Variants in LSP1 observed in about 807,000 individuals in gnomAD.
The protein encoded by LSP1 is lymphocyte-specific protein 1.
In LSP1, 32 loss-of-function variants were observed where a neutral mutation model predicts 49.3. The ratio of observed to expected loss-of-function variants is 0.65; its 90% CI spans 0.49 to 0.87. LSP1 has a LOEUF of 0.87. Ranked by LOEUF, LSP1 falls within the 40% of genes least tolerant of loss-of-function variation. The pLI is 0.00. For missense variants in LSP1, 428 were observed against 442.6 expected (o/e 0.97, Z 0.30); for synonymous variants, 179 against 178.8 (o/e 1.00, Z -0.01).
In LSP1 at chr11:1,853,216, G is replaced by T. The variant is rs57230743; in HGVS notation, c.53+19G>T. The T allele has an allele frequency of 4.4e-6, 7 of 1,604,422 alleles. No individual in the cohort carries two copies. Among genetic ancestry groups the T allele is most frequent in the South Asian group, 1.1e-5 (1 of 89,882 alleles). ...TGCTGGGGTAAGGGTCTGCGGCGAC[G>T]CCCGGCGCCCTGTGCCGTGTCCACG... On this transcript the variant is annotated intron_variant, in intron 1 of 10. Coordinates refer to ENST00000311604, the MANE Select transcript of LSP1 (RefSeq NM_002339.3).
At chr11:1,853,414 C>T (rs372129963) in intron 1 of LSP1, among the ~76,000 whole-genome samples, 152 of 152,280 alleles carry the variant, frequency 1.0e-3, no homozygotes, top group African/African-American at 3.3e-3. Flanking sequence ...AGGTCTCTTC[C>T]GCCTGCCTCT....
At chr11:1,853,236 T>A (rs373255983) in intron 1 of LSP1, 39 bp downstream of exon 1, 36 of 1,594,396 alleles carry the variant, frequency 2.3e-5, no homozygotes, top group Non-Finnish European at 3.0e-5. Flanking sequence ...CTGTGCCGTG[T>A]CCACGGGTGC....
At chr11:1,856,847 C>G (rs1589803784) in intron 1 of LSP1, among the ~76,000 whole-genome samples, 1 of 152,232 alleles carries the variant, frequency 6.6e-6, no homozygotes, top group Non-Finnish European at 1.5e-5. Context: ...GGGCAGGTGG[C>G]CCTGAGAGCC....
intron 1 of LSP1, among the ~76,000 whole-genome samples, 159 bp downstream of exon 1, chr11:1,853,356 C>T (rs1411079476): frequency 6.6e-6 from 1 of 152,220 alleles, no homozygotes; most frequent in Non-Finnish European, 1.5e-5. Flanking sequence ...GACCCACAGA[C>T]AGGTGGCAGG....
intron 1 of LSP1, among the ~76,000 whole-genome samples, chr11:1,857,250 C>T (rs1847512533): frequency 6.6e-6 from 1 of 152,220 alleles, no homozygotes; most frequent in African/African-American, 2.4e-5. Flanking sequence ...CGCCCCCTTC[C>T]TGGTTCCCTC....
At chr11:1,878,051 C>A (rs1253775038) in intron 1 of LSP1, among the ~76,000 whole-genome samples, 1 of 152,078 alleles carries the variant, frequency 6.6e-6, no homozygotes, top group African/African-American at 2.4e-5. Flanking sequence ...GGGCCCTGGA[C>A]CCATCGGAAG....
chr11:1,872,254 G>A (rs1317329352), intron 1 of LSP1, among the ~76,000 whole-genome samples: 8 of 137,172 alleles, frequency 5.8e-5, no homozygotes, highest in Non-Finnish European at 9.4e-5. Flanking sequence ...CCTGGCACAC[G>A]CTGGTAGAGT....
chr11:1,891,009 G>T (rs1024077870), intron 10 of LSP1: 23 of 167,218 alleles, frequency 1.4e-4, no homozygotes, highest in African/African-American at 5.2e-4. Flanking sequence ...GCCAAGCCCA[G>T]GGCTGGAAGA....
intron 1 of LSP1, among the ~76,000 whole-genome samples, chr11:1,869,982 G>A (rs879767803): frequency 3.9e-5 from 6 of 152,160 alleles, no homozygotes; most frequent in Non-Finnish European, 7.4e-5. Context: ...CACGTCATCA[G>A]CTCCCTGGGA....
intron 1 of LSP1, chr11:1,869,059 G>C (rs1847887268): frequency 1.0e-6 from 1 of 968,838 alleles, no homozygotes; most frequent in Admixed American, 6.0e-5. Flanking sequence ...GAGCTTGTGG[G>C]AGAGAAGCCC....
In LSP1 at chr11:1,887,557, T is replaced by C. The variant is rs754289381; in HGVS notation, c.1014T>C (p.Ala338=). The change falls in exon 10 of 11, where the codon GCT becomes GCC. Residue 338 remains alanine, a synonymous_variant. Transcript: ENST00000311604. ...AGGTGCTTGTGGAAGGGGGCCCGGC[T>C]CCCTAGGCGTCCCATCTCGGTGAGT... is the stretch of plus-strand genomic sequence containing the variant. ...YEKVLVEGGP[A]P 2 of 1,613,218 alleles carry C rather than the reference T, an allele frequency of 1.2e-6. No individual in the cohort carries two copies. Among genetic ancestry groups the C allele is most frequent in the Middle Eastern group, 1.7e-4 (1 of 6,060 alleles).
chr11:1,867,048 G>C (rs888663180), intron 1 of LSP1: 1 of 899,286 alleles, frequency 1.1e-6, no homozygotes, highest in Non-Finnish European at 1.6e-6. Context: ...TGGGGAGGAG[G>C]CACTGAAGCC....
rs759260935 is a variant in LSP1, at chr11:1,884,576, A to ATCGAGG, written c.714_717+2dup. Reference sequence around the variant, plus strand: ...GTGGCTGGAACAATACACCCAGGCCATCGAGGTATGACCTGGCTCCCCTCT... The same window carrying ATCGAGG: ...GTGGCTGGAACAATACACCCAGGCCATCGAGGTCGAGGTATGACCTGGCTCCCCTCT... On this transcript the variant is annotated inframe_insertion, in exon 7 of 11. Transcript: ENST00000311604. The surrounding 1 kb of genome is among the most constrained non-coding windows in gnomAD (Gnocchi z 4.1). The ATCGAGG allele has an allele frequency of 2.5e-5, 41 of 1,613,828 alleles. No individual in the cohort carries two copies. The highest frequency in any genetic ancestry group is 3.3e-4 in the Middle Eastern group (2 of 6,056).
chr11:1,883,593 C>T (rs766813902), intron 4 of LSP1, 33 bp downstream of exon 4: 2 of 1,577,802 alleles, frequency 1.3e-6, no homozygotes, highest in East Asian at 2.3e-5. Flanking sequence ...TCTGGGTGTA[C>T]CCCCACCCCA....
intron 1 of LSP1, among the ~76,000 whole-genome samples, chr11:1,868,355 C>A (rs970372839): frequency 6.6e-6 from 1 of 152,174 alleles, no homozygotes; most frequent in African/African-American, 2.4e-5. Flanking sequence ...GCTCTTTGGG[C>A]GGTGTGAGCC....
chr11:1,885,161 T>G (rs766769866), intron 7 of LSP1, among the ~76,000 whole-genome samples: 1 of 151,050 alleles, frequency 6.6e-6, no homozygotes. Context: ...GTCCCTCCCA[T>G]CCAATCAATT....
intron 1 of LSP1, among the ~76,000 whole-genome samples, chr11:1,875,297 C>A (rs940182408): frequency 7.9e-5 from 12 of 152,152 alleles, no homozygotes; most frequent in African/African-American, 2.9e-4. Flanking sequence ...CTCCAGGGAG[C>A]CTTCCAGACC....
At chr11:1,889,692 G>A (rs1055851264) in intron 10 of LSP1, 12 of 637,624 alleles carry the variant, frequency 1.9e-5, no homozygotes, top group Non-Finnish European at 2.9e-5. Context: ...GCCAGCCATC[G>A]GGGGCTCCTC....
intron 1 of LSP1, chr11:1,866,837 T>C (rs1259999016): frequency 1.3e-6 from 2 of 1,548,864 alleles, no homozygotes; most frequent in Non-Finnish European, 1.7e-6. Flanking sequence ...GGCTGTGCGG[T>C]GGCTCACCCC....
Sources: gnomAD v4.1 joint callset for allele counts (sites outside exome capture counted in the v4.1 genomes callset) on GRCh38, gnomAD v4.1.1 for gene constraint, Gnocchi (gnomAD v3.1) non-coding constraint, MANE v1.5 for transcripts, NCBI Gene and HGNC (gene_info 2026-07-23, HGNC 2026-07-21) for gene names.